RTTN: variants seen among roughly 807,000 people sequenced by gnomAD.
RTTN encodes rotatin.
In RTTN, 182 loss-of-function variants were observed where a neutral mutation model predicts 269.2. The ratio of observed to expected loss-of-function variants is 0.68; its 90% confidence interval spans 0.60 to 0.76. RTTN has a LOEUF of 0.76. Ranked by LOEUF, RTTN falls within the 30% of genes least tolerant of loss-of-function variation. The probability of loss-of-function intolerance (pLI) is 0.00; values close to 1 mark genes in which losing one functional copy is unlikely to be tolerated. For missense variants in RTTN, 2,545 were observed against 2,608.6 expected, an observed-to-expected ratio of 0.98 and a Z score of 0.53; for synonymous variants, 1,006 against 963.5, an observed-to-expected ratio of 1.04 and a Z score of -0.82.
intron 48 of RTTN, among the ~76,000 whole-genome samples, chr18:70,004,971 A>G (rs1157278169): frequency 6.6e-6 from 1 of 152,268 alleles, no homozygotes; most frequent in Non-Finnish European, 1.5e-5. Context: ...AAAATTTAGT[A>G]CAAAAATAAG....
chr18:70,051,829 A>C (rs2057679690), intron 38 of RTTN, among the ~76,000 whole-genome samples: 2 of 152,294 alleles, frequency 1.3e-5, no homozygotes, highest in Admixed American at 1.3e-4. Context: ...AAGGTGTGAC[A>C]AACTAAATAT....
At position 70,128,352 on chromosome 18, in the gene RTTN, G is replaced by A. The variant is rs768779198; in HGVS notation, c.3143+6C>T. On this transcript the variant is annotated splice_donor_region_variant and intron_variant, in intron 24 of 48. Coordinates refer to ENST00000640769, the MANE Select transcript of RTTN (RefSeq NM_173630.4). ...AAATGCTTTTTAAACTAATATAAGA[G>A]CTTACTCTTGCGTTTTAGTTTCAGA... is the stretch of plus-strand genomic sequence containing the variant. 5 of 1,606,912 alleles carry A rather than the reference G, an allele frequency of 3.1e-6. No homozygotes were observed. In the South Asian group the frequency reaches 3.3e-5, roughly 11 times the overall value.
intron 34 of RTTN, among the ~76,000 whole-genome samples, chr18:70,071,486 G>T (rs909107286): frequency 6.6e-6 from 1 of 152,098 alleles, no homozygotes; most frequent in Admixed American, 6.5e-5. Context: ...GTGTGTAAGA[G>T]GCACAAACAG....
chr18:70,186,037 A>T (rs925217125), intron 10 of RTTN, among the ~76,000 whole-genome samples: 3 of 151,080 alleles, frequency 2.0e-5, no homozygotes, highest in Non-Finnish European at 4.4e-5. Context: ...ATTAAAACCC[A>T]CTAAGATACC....
chr18:70,061,528 CT>C (rs1377331490), intron 35 of RTTN: 1 of 365,884 alleles, frequency 2.7e-6, no homozygotes. Flanking sequence ...ATACATACCC[CT>C]GGGCACATAA....
chr18:70,134,730 A>T (rs2060081643), intron 22 of RTTN, among the ~76,000 whole-genome samples, 189 bp from the exon 23 acceptor site: 2 of 151,686 alleles, frequency 1.3e-5, no homozygotes, highest in Admixed American at 6.6e-5. Flanking sequence ...ATTATGTTTT[A>T]AAAAAAAATT....
chr18:70,023,994 G>GCC (rs1323057173), intron 44 of RTTN, among the ~76,000 whole-genome samples: 1 of 152,082 alleles, frequency 6.6e-6, no homozygotes, highest in Admixed American at 6.5e-5. Context: ...TGTTTGCCAG[G>GCC]CTAGTCTCAA....
intron 26 of RTTN, among the ~76,000 whole-genome samples, chr18:70,115,830 A>G (rs1412654687): frequency 1.3e-5 from 2 of 152,004 alleles, no homozygotes; most frequent in Non-Finnish European, 2.9e-5. Flanking sequence ...CATTCTCTTT[A>G]GGGAAAAGAA....
chr18:70,156,488 GCGGTCCTA>G (rs1404268565), intron 14 of RTTN, among the ~76,000 whole-genome samples: 1 of 152,136 alleles, frequency 6.6e-6, no homozygotes, highest in Non-Finnish European at 1.5e-5. Flanking sequence ...CTGCGGTCCT[GCGGTCCTA>G]TGATCTCGCC....
chr18:70,043,437 G>GAAAAA (rs2057402121), intron 40 of RTTN, among the ~76,000 whole-genome samples: 1 of 151,960 alleles, frequency 6.6e-6, no homozygotes, highest in Non-Finnish European at 1.5e-5. Flanking sequence ...GGGTAGGTGG[G>GAAAAA]TGAGGCATGA....
At chr18:70,113,320 T>C (rs79772659) in intron 27 of RTTN, among the ~76,000 whole-genome samples, 2,431 of 152,248 alleles carry the variant, frequency 0.016, 30 homozygotes, top group African/African-American at 0.031. Context: ...TTATTTTTCA[T>C]TGGGGAAATG....
chr18:70,031,180 A>G (rs2057002492), intron 40 of RTTN, 199 bp from the exon 41 acceptor site: 5 of 547,874 alleles, frequency 9.1e-6, no homozygotes, highest in Non-Finnish European at 1.6e-5. Context: ...TAATATGGAA[A>G]AGAACAACAA....
At chr18:70,042,560 T>A (rs1037607014) in intron 40 of RTTN, among the ~76,000 whole-genome samples, 1 of 151,972 alleles carries the variant, frequency 6.6e-6, no homozygotes, top group East Asian at 1.9e-4. Flanking sequence ...GTGTTTTTAG[T>A]AGAGATGGGG....
intron 28 of RTTN, among the ~76,000 whole-genome samples, chr18:70,098,486 T>C (rs763664794): frequency 5.9e-5 from 9 of 152,186 alleles, no homozygotes; most frequent in Non-Finnish European, 4.4e-5. Context: ...ATATTTTAAA[T>C]GCACTAGAGG....
chr18:70,066,750 T>C (rs1008030187), intron 34 of RTTN, among the ~76,000 whole-genome samples: 2 of 152,216 alleles, frequency 1.3e-5, no homozygotes, highest in Non-Finnish European at 2.9e-5. Context: ...AGATCCTATA[T>C]AGCTCACAGT....
At chr18:70,072,271 TA>T (rs2058315767) in intron 34 of RTTN, among the ~76,000 whole-genome samples, 1 of 152,142 alleles carries the variant, frequency 6.6e-6, no homozygotes, top group African/African-American at 2.4e-5. Flanking sequence ...CAGAATACAC[TA>T]GCCTTTAGAG....
chr18:70,062,080 A>G (rs1338427540), intron 35 of RTTN, among the ~76,000 whole-genome samples: 1 of 152,198 alleles, frequency 6.6e-6, no homozygotes, highest in Non-Finnish European at 1.5e-5. Flanking sequence ...CTAGAGTTCA[A>G]TGCTTGGTTA....
chr18:70,204,780 T>C (rs149036705), intron 2 of RTTN, among the ~76,000 whole-genome samples: 1,882 of 152,332 alleles, frequency 0.012, 23 homozygotes, highest in South Asian at 0.038. Flanking sequence ...TGTAACATTA[T>C]TTTTAAAGTG....
chr18:70,190,704 A>G lies in RTTN; in HGVS notation c.1023T>C (p.His341=). Residue 341 remains histidine (H), a synonymous_variant, in exon 9 of 49, where the codon CAT becomes CAC. Coordinates refer to ENST00000640769, the MANE Select transcript of RTTN (RefSeq NM_173630.4). ...CGGATATCCTGGAGTTTACATGAGC[A>G]TGACTACTACTTCCACTGCAAGATA... ...DAASSSGSSS[H]AHVNSRISVH... 6.2e-7 allele frequency: 1 copy of G among 1,606,680 alleles called. No individual in the cohort carries two copies. Among genetic ancestry groups the G allele is most frequent in the Non-Finnish European group, 8.5e-7 (1 of 1,173,894 alleles).
Sources: gnomAD v4.1 joint callset for allele counts (sites outside exome capture counted in the v4.1 genomes callset) on GRCh38, gnomAD v4.1.1 for gene constraint, MANE v1.5 for transcripts, NCBI Gene and HGNC (gene_info 2026-07-23, HGNC 2026-07-21) for gene names.